The following TMEM117 variants were observed in gnomAD, a reference collection of about 807,000 sequenced individuals.
TMEM117 encodes the protein transmembrane protein 117.
Under a neutral mutation model 52.4 loss-of-function variants are expected in TMEM117, and 27 were observed. The ratio of observed to expected loss-of-function variants is 0.51; its 90% CI spans 0.38 to 0.71. The LOEUF is 0.71. Ranked by LOEUF, TMEM117 falls within the 30% of genes least tolerant of loss-of-function variation. The probability of loss-of-function intolerance (pLI) is 0.00; values close to 1 mark genes in which losing one functional copy is unlikely to be tolerated. For missense variants in TMEM117, 556 were observed against 630.5 expected, an observed-to-expected ratio of 0.88 and a Z score of 1.26; for synonymous variants, 215 against 206.3, an observed-to-expected ratio of 1.04 and a Z score of -0.36.
At chr12:43,879,788 C>T (rs1235044556) in intron 2 of TMEM117, among the ~76,000 whole-genome samples, 1 of 152,158 alleles carries the variant, frequency 6.6e-6, no homozygotes, top group African/African-American at 2.4e-5. Flanking sequence ...AATCTATCTC[C>T]AGGCCTTCCT....
chr12:43,918,722 T>C (rs937754974), intron 2 of TMEM117, among the ~76,000 whole-genome samples: 5 of 152,214 alleles, frequency 3.3e-5, no homozygotes, highest in African/African-American at 4.8e-5. Context: ...CACTGGGAAT[T>C]ATCCTGCATG....
At chr12:44,105,600 A>C (rs1338723672) in intron 3 of TMEM117, among the ~76,000 whole-genome samples, 3 of 151,806 alleles carry the variant, frequency 2.0e-5, no homozygotes, top group Non-Finnish European at 2.9e-5. Context: ...GGAAGAGGGG[A>C]AATGTTCTAT....
chr12:44,197,773 C>A (rs1034014147), intron 4 of TMEM117, among the ~76,000 whole-genome samples: 5 of 152,120 alleles, frequency 3.3e-5, no homozygotes, highest in African/African-American at 1.2e-4. Context: ...CTGAGACATG[C>A]CCAATTTCCT....
intron 2 of TMEM117, among the ~76,000 whole-genome samples, chr12:43,917,362 A>G (rs1043635349): frequency 6.6e-6 from 1 of 152,194 alleles, no homozygotes; most frequent in Admixed American, 6.5e-5. Context: ...CTCTAAAAAC[A>G]AAGAAAGAAT....
At chr12:44,246,897 A>T (rs978958209) in intron 5 of TMEM117, among the ~76,000 whole-genome samples, 2 of 152,160 alleles carry the variant, frequency 1.3e-5, no homozygotes, top group African/African-American at 4.8e-5. Flanking sequence ...TGGTCTAAAA[A>T]CATTGCTGGG....
At chr12:44,225,955 A>C (rs533960194) in intron 5 of TMEM117, among the ~76,000 whole-genome samples, 3 of 152,002 alleles carry the variant, frequency 2.0e-5, no homozygotes, top group South Asian at 2.1e-4. Context: ...TGTTACAATC[A>C]CTGTTGTATG....
At chr12:43,852,132 A>G (rs1041436164) in intron 2 of TMEM117, among the ~76,000 whole-genome samples, 38 of 150,824 alleles carry the variant, frequency 2.5e-4, no homozygotes, top group Non-Finnish European at 5.5e-4. Flanking sequence ...CCCTGTCTGT[A>G]CTAAGAATAC....
At chr12:43,986,808 C>T (rs1945854370) in intron 3 of TMEM117, among the ~76,000 whole-genome samples, 1 of 152,148 alleles carries the variant, frequency 6.6e-6, no homozygotes, top group African/African-American at 2.4e-5. Flanking sequence ...ATGTTATCCA[C>T]AGGTGTTTTC....
chr12:43,981,417 T>C (rs1463215843), intron 3 of TMEM117, among the ~76,000 whole-genome samples: 2 of 152,202 alleles, frequency 1.3e-5, no homozygotes, highest in African/African-American at 2.4e-5. Context: ...GAAGGATGAA[T>C]GGATCATAGT....
At chr12:44,130,094 C>T (rs531442867) in intron 3 of TMEM117, among the ~76,000 whole-genome samples, 2 of 152,206 alleles carry the variant, frequency 1.3e-5, no homozygotes, top group East Asian at 3.9e-4. Flanking sequence ...CAGTGTTTCT[C>T]CCATAAAAAG....
chr12:44,117,439 G>A (rs553075434), intron 3 of TMEM117, among the ~76,000 whole-genome samples: 7 of 152,038 alleles, frequency 4.6e-5, no homozygotes, highest in Non-Finnish European at 1.0e-4. Context: ...TTTGCAGGAT[G>A]TGTTGATCGA....
At chr12:44,365,918 A>C (rs1215309228) in intron 6 of TMEM117, among the ~76,000 whole-genome samples, 1 of 152,060 alleles carries the variant, frequency 6.6e-6, no homozygotes, top group African/African-American at 2.4e-5. Context: ...ATTGAATTTC[A>C]TCTGGTCTCT....
In TMEM117 at chr12:44,190,385, A is replaced by G. The variant is rs369509483; in HGVS notation, c.511-20905A>G. Among the ~76,000 whole-genome samples the G allele has an allele frequency of 7.2e-5, 11 of 152,294 alleles. No homozygotes were observed. In the South Asian group the frequency reaches 2.3e-3, roughly 32 times the overall value. On this transcript the variant is annotated intron_variant, in intron 4 of 7. Transcript: ENST00000266534. ...AGCAAATCATCTGTAGAAATTTAGA[A>G]AAAATACAGAGTTCTGGGTTCTACT...
chr12:43,846,535 T>C (rs575755023), intron 2 of TMEM117, among the ~76,000 whole-genome samples: 57 of 152,324 alleles, frequency 3.7e-4, no homozygotes, highest in Admixed American at 2.5e-3. Context: ...ATTTATTCAA[T>C]AGATGTTCAT....
In TMEM117 at chr12:44,384,504, A is replaced by T. The variant is rs541647920; in HGVS notation, c.899-3522A>T. On this transcript the variant is annotated intron_variant, in intron 7 of 7. Coordinates refer to ENST00000266534, the MANE Select transcript of TMEM117 (RefSeq NM_032256.3). ...TAGTCTCAAAATTCATAGATATAAA[A>T]GGTCTTTCCTCAGGGCCAATACTAC... 2.0e-5 allele frequency among the ~76,000 whole-genome samples: 3 copies of T among 152,190 alleles called. No individual in the cohort carries two copies. The East Asian group carries it at 5.8e-4, about 29-fold the overall frequency.
At position 44,105,212 on chromosome 12, in the gene TMEM117, T is replaced by C. The variant is rs533764919; in HGVS notation, c.411-38313T>C. ...TCAATATGGTAAGTTTCTATTGACATAGCCTCAAGCACAGAGAGTCTTTCC... is the reference window on the plus strand; with the variant it reads ...TCAATATGGTAAGTTTCTATTGACACAGCCTCAAGCACAGAGAGTCTTTCC... On this transcript the variant is annotated intron_variant, in intron 3 of 7. Transcript: ENST00000266534. 2.6e-5 allele frequency among the ~76,000 whole-genome samples: 4 copies of C among 152,040 alleles called. No individual in the cohort carries two copies. The East Asian group carries it at 7.7e-4, about 29-fold the overall frequency.
intron 5 of TMEM117, among the ~76,000 whole-genome samples, chr12:44,274,230 AG>A (rs1423254757): frequency 6.6e-6 from 1 of 152,094 alleles, no homozygotes; most frequent in Non-Finnish European, 1.5e-5. Context: ...ATAAATACCT[AG>A]CAATTAACTT....
intron 2 of TMEM117, among the ~76,000 whole-genome samples, chr12:43,875,171 G>C (rs1722157182): frequency 6.6e-6 from 1 of 152,034 alleles, no homozygotes. Context: ...CTTTACAGCA[G>C]TAAGATTTGC....
intron 3 of TMEM117, among the ~76,000 whole-genome samples, chr12:43,984,721 T>C (rs190919170): frequency 6.6e-6 from 1 of 152,318 alleles, no homozygotes; most frequent in East Asian, 1.9e-4. Context: ...AAAGCATTTA[T>C]TACTCAAATA....
Sources: allele counts gnomAD v4.1 joint callset (sites outside exome capture counted in the v4.1 genomes callset), GRCh38; gene constraint gnomAD v4.1.1; transcripts MANE v1.5; gene names NCBI Gene and HGNC (gene_info 2026-07-23, HGNC 2026-07-21).